Variants in INPP5J observed in about 807,000 individuals in gnomAD.
The protein encoded by INPP5J is phosphatidylinositol 4,5-bisphosphate 5-phosphatase A.
In INPP5J, 75 loss-of-function variants were observed where a neutral mutation model predicts 86.6. That is an observed-to-expected ratio of 0.87 (90% CI 0.72 to 1.05). The LOEUF (loss-of-function observed/expected upper bound fraction) is 1.05, where lower values mean the gene tolerates loss of function less well. INPP5J is among the 50% of genes least tolerant of loss of function. INPP5J has a pLI of 0.00. For synonymous variants in INPP5J, 540 were observed against 550.0 expected (o/e 0.98, Z 0.25); for missense variants, 1,229 against 1,341.2 (o/e 0.92, Z 1.31).
At chr22:31,128,751 T>C (rs1458271663) in intron 9 of INPP5J, 97 bp downstream of exon 9, 2 of 1,042,318 alleles carry the variant, frequency 1.9e-6, no homozygotes, top group Non-Finnish European at 2.8e-6. Flanking sequence ...CCCTTGTACC[T>C]GCCCTCAGCA....
At chr22:31,127,742 T>C (rs1921637624) in intron 6 of INPP5J, 1 of 655,120 alleles carries the variant, frequency 1.5e-6, no homozygotes, top group African/African-American at 1.8e-5. Context: ...CCCGCCTTGC[T>C]GAAGGTCAGA....
chr22:31,131,544 C>T (rs1038587260), intron 9 of INPP5J, among the ~76,000 whole-genome samples: 20 of 150,198 alleles, frequency 1.3e-4, no homozygotes, highest in Admixed American at 5.3e-4. Flanking sequence ...GCCTGGGCTA[C>T]AGAGCGAGAC....
rs1381224315 is a variant in INPP5J at position 31,134,450 on chromosome 22, C to T, written c.*31C>T. 7.0e-7 allele frequency: 1 copy of T among 1,435,658 alleles called. No individual in the cohort carries two copies. Among genetic ancestry groups the T allele is most frequent in the South Asian group, 1.5e-5 (1 of 64,602 alleles). 88.9% of individuals were successfully genotyped at this position (1,435,658 alleles called of 1,614,324 possible). A position where few individuals can be genotyped will look rare whatever the true frequency, so the allele number is the denominator to read the frequency against. On this transcript the variant is annotated 3_prime_UTR_variant, in exon 13 of 13. Coordinates refer to ENST00000331075, the MANE Select transcript of INPP5J (RefSeq NM_001284285.2). ...GGGTAGGCAGATGGGCCAAGGTGAC[C>T]ACCATTCTGCCTCAATCTTTTGCAA... is the stretch of plus-strand genomic sequence containing the variant.
intron 1 of INPP5J, 66 bp downstream of exon 1, chr22:31,123,185 T>A: frequency 1.1e-6 from 1 of 927,010 alleles, no homozygotes; most frequent in Non-Finnish European, 1.5e-6. Context: ...CCCCCCCACA[T>A]ACACTGCAGG....
intron 12 of INPP5J, 88 bp from the exon 13 acceptor site, chr22:31,133,825 T>C (rs1023470638): frequency 3.8e-6 from 6 of 1,596,664 alleles, no homozygotes; most frequent in African/African-American, 2.7e-5. Context: ...TCCCAAGATC[T>C]GCCAACGAGA....
chr22:31,127,508 G>A lies in INPP5J; in HGVS notation c.1763G>A (p.Gly588Asp), dbSNP rs1921614234. ...AGCCTCCAGCAGTTCCAAGGGCCGG[G>A]CGCACAGGGCATCCTGGATCATGAG... is the stretch of plus-strand genomic sequence containing the variant. Reference protein sequence around the residue: ...ILSLQQFQGPGAQGILDHDLV... With the variant: ...ILSLQQFQGPDAQGILDHDLV... Residue 588 changes from glycine (G) to aspartate (D), a missense_variant, in exon 6 of 13, where the codon GGC becomes GAC. Transcript: ENST00000331075. The A allele has an allele frequency of 6.2e-7, 1 of 1,613,534 alleles. No homozygotes were observed. The highest frequency in any genetic ancestry group is 8.5e-7 in the Non-Finnish European group (1 of 1,179,696).
At chr22:31,129,253 T>TTTTTTTC (rs56055716) in intron 9 of INPP5J, among the ~76,000 whole-genome samples, 2 of 108,380 alleles carry the variant, frequency 1.8e-5, no homozygotes, top group Non-Finnish European at 4.1e-5. Flanking sequence ...TTTTTTTTTT[T>TTTTTTTC]CTTTGAGACG....
In INPP5J at chr22:31,133,071, C is replaced by T. The variant is rs989381021; in HGVS notation, c.2194-27C>T. On this transcript the variant is annotated intron_variant, in intron 9 of 12. Coordinates refer to ENST00000331075, the MANE Select transcript of INPP5J (RefSeq NM_001284285.2). Reference sequence around the variant, plus strand: ...TACTAGAGGGTCTCCCCTGATGTGGCCCCCTGCCCCTGCCTTGCCTGGACA... The same window carrying T: ...TACTAGAGGGTCTCCCCTGATGTGGTCCCCTGCCCCTGCCTTGCCTGGACA... 5.2e-6 allele frequency: 8 copies of T among 1,553,390 alleles called. No homozygotes were observed. In the African/African-American group the frequency reaches 9.6e-5, roughly 19 times the overall value.
chr22:31,127,398 G>A lies in INPP5J; in HGVS notation c.1653G>A (p.Gly551=). The part of the protein sequence containing the change: ...GGVSVRLAAF[G]HMLCFLNCHL... ...TGAGCGTGCGCCTGGCGGCCTTCGG[G>A]CACATGCTCTGCTTCCTGAACTGCC... Residue 551 remains glycine (G), a synonymous_variant, in exon 6 of 13, where the codon GGG becomes GGA. Transcript: ENST00000331075. 8 of 1,613,548 alleles carry A rather than the reference G, an allele frequency of 5.0e-6. No individual in the cohort carries two copies. Among genetic ancestry groups the A allele is most frequent in the Non-Finnish European group, 6.8e-6 (8 of 1,179,716 alleles).
In INPP5J at chr22:31,128,520, A is replaced by G. The variant is rs1218533791; in HGVS notation, c.2059A>G (p.Lys687Glu). Residue 687 changes from lysine (K) to glutamate (E), a missense_variant, in exon 9 of 13, where the codon AAG becomes GAG. By Grantham distance (56) the Lys-to-Glu change is moderately conservative (BLOSUM62 1). Transcript: ENST00000331075. ...AWTDRILWKV[K>E]APGGGPSPSG... ...GACAGACCGTATCCTATGGAAGGTC[A>G]AGGCTCCAGGTGGGGGTCCCAGCCC... 3 of 1,613,358 alleles carry G rather than the reference A, an allele frequency of 1.9e-6. No homozygotes were observed. The highest frequency in any genetic ancestry group is 2.5e-6 in the Non-Finnish European group (3 of 1,179,880).
Position 31,132,816 on chromosome 22 carries a change from C to T in INPP5J, c.2194-282C>T, listed in dbSNP as rs116234050. ...GCATTCAGAGAGGCTGAGGAACTCA[C>T]CCAGCCTGTCAACGGCAGAACCAGA... On this transcript the variant is annotated intron_variant, in intron 9 of 12. Transcript: ENST00000331075. 5.9e-3 allele frequency among the ~76,000 whole-genome samples: 898 copies of T among 152,200 alleles called. 15 individuals carry two copies. Among genetic ancestry groups the T allele is most frequent in the African/African-American group, 0.02 (826 of 41,512 alleles).
At chr22:31,133,864 G>C in intron 12 of INPP5J, 49 bp from the exon 13 acceptor site, 1 of 1,599,656 alleles carries the variant, frequency 6.3e-7, no homozygotes, top group Non-Finnish European at 8.5e-7. Context: ...TCAGGCCTCA[G>C]TGGCTGGGTT....
At chr22:31,130,036 T>C (rs1921926462) in intron 9 of INPP5J, among the ~76,000 whole-genome samples, 1 of 151,578 alleles carries the variant, frequency 6.6e-6, no homozygotes, top group South Asian at 2.1e-4. Flanking sequence ...AGTGAGACAC[T>C]GTCTTTAAAA....
chr22:31,127,138 C>A, intron 5 of INPP5J, 101 bp downstream of exon 5: 3 of 909,490 alleles, frequency 3.3e-6, no homozygotes, highest in Admixed American at 4.1e-5. Context: ...CATCCTCCAC[C>A]CTTTACCCTG....
Position 31,125,714 on chromosome 22 carries a change from C to G in INPP5J, c.975C>G (p.Pro325=), listed in dbSNP as rs1366221387. ...CTCACTCCCCTGGACTTCTGTCCCC[C>G]ACCTTCCGGCCTGGGGCCCCCTCAG... The part of the protein sequence containing the change: ...PGTHSPGLLS[P]TFRPGAPSGQ... The change falls in exon 2 of 13, where the codon CCC becomes CCG. Residue 325 remains proline, a synonymous_variant. Transcript: ENST00000331075. 59 of 1,551,090 alleles carry G rather than the reference C, an allele frequency of 3.8e-5. No individual in the cohort carries two copies. The highest frequency in any genetic ancestry group is 5.1e-5 in the Non-Finnish European group (58 of 1,146,782).
chr22:31,127,304 C>T (rs1921584546), intron 5 of INPP5J, 53 bp from the exon 6 acceptor site: 2 of 1,513,852 alleles, frequency 1.3e-6, no homozygotes, highest in African/African-American at 1.4e-5. Flanking sequence ...CTCCCAGTGC[C>T]TCACCTCCTG....
intron 9 of INPP5J, among the ~76,000 whole-genome samples, chr22:31,130,988 GA>G (rs1486424607): frequency 6.6e-6 from 1 of 152,106 alleles, no homozygotes; most frequent in Non-Finnish European, 1.5e-5. Context: ...TTTCAGCCCT[GA>G]AACCCAACTC....
intron 9 of INPP5J, among the ~76,000 whole-genome samples, chr22:31,130,090 C>A (rs1211131952): frequency 2.0e-5 from 3 of 151,942 alleles, no homozygotes; most frequent in Non-Finnish European, 4.4e-5. Flanking sequence ...GCCTGTAATC[C>A]CAGCACTTTG....
Position 31,134,376 on chromosome 22 carries a change from C to T in INPP5J, c.2978C>T (p.Pro993Leu), listed in dbSNP as rs1922402621. 2.0e-6 allele frequency: 3 copies of T among 1,496,542 alleles called. No homozygotes were observed. In the African/African-American group the frequency reaches 4.2e-5, roughly 21 times the overall value. 92.7% of individuals were successfully genotyped at this position (1,496,542 alleles called of 1,614,324 possible). A position where few individuals can be genotyped will look rare whatever the true frequency, so the allele number is the denominator to read the frequency against. ...GCGCCCAACAGCCTGTCTCCTAGTC[C>T]CCAGGGCCATCGGGGGCTGGAGGAA... The part of the protein sequence containing the change: ...ALAPNSLSPS[P>L]QGHRGLEEGG... The change falls in exon 13 of 13, where the codon CCC becomes CTC. Residue 993 changes from proline (P) to leucine (L), a missense_variant. Transcript: ENST00000331075.
Sources: allele counts gnomAD v4.1 joint callset (sites outside exome capture counted in the v4.1 genomes callset), GRCh38; gene constraint gnomAD v4.1.1; transcripts MANE v1.5; gene names NCBI Gene and HGNC (gene_info 2026-07-23, HGNC 2026-07-21).